The following NOL10 variants were observed in gnomAD, a reference collection of about 807,000 sequenced individuals.
NOL10 encodes nucleolar protein 10.
Under a neutral mutation model 103.5 loss-of-function variants are expected in NOL10, and 58 were observed. That is an observed-to-expected ratio of 0.56 (90% CI 0.45 to 0.70). NOL10 has a LOEUF of 0.70. NOL10 is among the 30% of genes least tolerant of loss of function. The pLI is 0.00. For missense variants in NOL10, 763 were observed against 807.3 expected, an observed-to-expected ratio of 0.95 and a Z score of 0.67; for synonymous variants, 287 against 282.5, an observed-to-expected ratio of 1.02 and a Z score of -0.16.
At chr2:10,614,328 T>C (rs1172742313) in intron 13 of NOL10, among the ~76,000 whole-genome samples, 4 of 152,118 alleles carry the variant, frequency 2.6e-5, no homozygotes, top group African/African-American at 7.2e-5. Flanking sequence ...ATGATTCTTT[T>C]TGGGAAACAG....
intron 12 of NOL10, 42 bp downstream of exon 12, chr2:10,654,439 C>A (rs1679687065): frequency 1.5e-6 from 2 of 1,366,550 alleles, no homozygotes; most frequent in Non-Finnish European, 2.0e-6. Flanking sequence ...CAGAATGCAT[C>A]TTTTTATTTG....
At chr2:10,683,081 C>A (rs962221321) in intron 2 of NOL10, among the ~76,000 whole-genome samples, 4 of 152,196 alleles carry the variant, frequency 2.6e-5, no homozygotes, top group African/African-American at 4.8e-5. Context: ...CTGTGCCTGA[C>A]CCAACCTCTT....
intron 17 of NOL10, 74 bp from the exon 18 acceptor site, chr2:10,589,825 A>G: frequency 1.1e-6 from 1 of 878,262 alleles, no homozygotes. Context: ...ATGGTTTTAA[A>G]ACACTGATTC....
chr2:10,634,515 C>T (rs1304888052), intron 13 of NOL10: 2 of 456,554 alleles, frequency 4.4e-6, no homozygotes, highest in East Asian at 6.9e-5. Context: ...GTGGAGAAGC[C>T]GAGTAGACTG....
At chr2:10,597,617 G>T (rs1041664004) in intron 17 of NOL10, among the ~76,000 whole-genome samples, 1 of 152,172 alleles carries the variant, frequency 6.6e-6, no homozygotes, top group South Asian at 2.1e-4. Context: ...CACAGCCTCA[G>T]ATTTTCAAAA....
intron 12 of NOL10, among the ~76,000 whole-genome samples, chr2:10,650,598 G>A (rs1039964210): frequency 4.0e-5 from 6 of 151,562 alleles, no homozygotes; most frequent in Non-Finnish European, 7.4e-5. Context: ...AATTTTTATC[G>A]TGAGGCCAGG....
chr2:10,677,755 G>A (rs1681416173), intron 3 of NOL10, among the ~76,000 whole-genome samples: 2 of 152,076 alleles, frequency 1.3e-5, no homozygotes, highest in African/African-American at 4.8e-5. Flanking sequence ...TTACAGGCGT[G>A]AGCCACCGCA....
chr2:10,640,177 C>T (rs1678604137), intron 13 of NOL10, among the ~76,000 whole-genome samples: 1 of 152,224 alleles, frequency 6.6e-6, no homozygotes, highest in Admixed American at 6.5e-5. Context: ...ATACATTAAA[C>T]ACACATTTCT....
intron 11 of NOL10, among the ~76,000 whole-genome samples, chr2:10,656,342 A>T (rs1021281225): frequency 6.6e-6 from 1 of 152,234 alleles, no homozygotes; most frequent in African/African-American, 2.4e-5. Flanking sequence ...CCAACAAAGC[A>T]GACAGCATAG....
At chr2:10,576,534 A>G (rs1674459673) in intron 20 of NOL10, among the ~76,000 whole-genome samples, 1 of 152,260 alleles carries the variant, frequency 6.6e-6, no homozygotes, top group Non-Finnish European at 1.5e-5. Context: ...CATAAAAAGA[A>G]ATGCAATTCC....
chr2:10,608,492 G>A (rs1676376762), intron 13 of NOL10, among the ~76,000 whole-genome samples: 1 of 148,830 alleles, frequency 6.7e-6, no homozygotes, highest in South Asian at 2.1e-4. Context: ...GAGAAGATAT[G>A]CTAGCGAAAT....
At position 10,664,074 on chromosome 2, in the gene NOL10, G is replaced by A. The variant is rs550967292; in HGVS notation, c.592-1030C>T. On this transcript the variant is annotated intron_variant, in intron 8 of 20. Coordinates refer to ENST00000381685, the MANE Select transcript of NOL10 (RefSeq NM_024894.4). ...AGGCAGAGGCTACAGCGAGCTGAGC[G>A]TGCCACTGCACTCCTGCCTAGGCAA... is the stretch of plus-strand genomic sequence containing the variant. Among the ~76,000 whole-genome samples the A allele has an allele frequency of 1.8e-4, 27 of 151,392 alleles. 1 individual carries two copies. The South Asian group carries it at 4.4e-3, about 25-fold the overall frequency.
At chr2:10,617,281 T>C (rs1473039074) in intron 13 of NOL10, among the ~76,000 whole-genome samples, 1 of 152,118 alleles carries the variant, frequency 6.6e-6, no homozygotes, top group African/African-American at 2.4e-5. Context: ...ACCAGCCCAG[T>C]GTGGCTTGAA....
rs555005243 is a variant in NOL10, at chr2:10,576,117, C to T, written c.1947+1519G>A. Among the ~76,000 whole-genome samples the T allele has an allele frequency of 7.2e-5, 11 of 152,280 alleles. No homozygotes were observed. In the East Asian group the frequency reaches 2.1e-3, roughly 29 times the overall value. On this transcript the variant is annotated intron_variant, in intron 20 of 20. Coordinates refer to ENST00000381685, the MANE Select transcript of NOL10 (RefSeq NM_024894.4). ...ATGACACACAAATGACCAATAAGCA[C>T]ATGATAAAATGCTCAACTCATTAGT...
intron 13 of NOL10, among the ~76,000 whole-genome samples, chr2:10,639,400 C>A (rs752198822): frequency 1.3e-5 from 2 of 152,106 alleles, no homozygotes; most frequent in African/African-American, 4.8e-5. Context: ...CCAGCCTGGG[C>A]GACAGAGCGA....
chr2:10,598,839 CTAA>C (rs1471483584), intron 17 of NOL10, among the ~76,000 whole-genome samples: 1 of 152,120 alleles, frequency 6.6e-6, no homozygotes, highest in East Asian at 1.9e-4. Context: ...GGCTTTATTC[CTAA>C]TGTTTTAAAT....
At chr2:10,675,331 G>A (rs1424698023) in intron 4 of NOL10, among the ~76,000 whole-genome samples, 1 of 152,212 alleles carries the variant, frequency 6.6e-6, no homozygotes, top group East Asian at 1.9e-4. Context: ...GCCTAGAGTG[G>A]CCCCCAGCTG....
chr2:10,580,339 G>A (rs995665720), intron 19 of NOL10, among the ~76,000 whole-genome samples: 1 of 151,994 alleles, frequency 6.6e-6, no homozygotes, highest in African/African-American at 2.4e-5. Context: ...GGCAGAATTG[G>A]CCTTTCCCTC....
rs1572210688 is a variant in NOL10 at position 10,571,003 on chromosome 2, T to C, written c.*1068A>G. ...TGTGTTTTGGAATATCTGTATTATA[T>C]TTACTAGTCAAGTATCCCAAATCTG... On this transcript the variant is annotated 3_prime_UTR_variant, in exon 21 of 21. Transcript: ENST00000381685. 6.6e-6 allele frequency: 1 copy of C among 152,192 alleles called. No homozygotes were observed. 9.4% of individuals were successfully genotyped at this position (152,192 alleles called of 1,614,324 possible). A position where few individuals can be genotyped will look rare whatever the true frequency, so the allele number is the denominator to read the frequency against.
Sources: allele counts gnomAD v4.1 joint callset (sites outside exome capture counted in the v4.1 genomes callset), GRCh38; gene constraint gnomAD v4.1.1; transcripts MANE v1.5; gene names NCBI Gene and HGNC (gene_info 2026-07-23, HGNC 2026-07-21).